The following CSMD1 variants were observed in gnomAD, a reference collection of about 807,000 sequenced individuals.
CSMD1 encodes the protein CUB and sushi domain-containing protein 1.
Under a neutral mutation model 417.5 loss-of-function variants are expected in CSMD1, and 213 were observed. The ratio of observed to expected loss-of-function variants is 0.51; its 90% CI spans 0.46 to 0.57. The LOEUF is 0.57. CSMD1 is among the 20% of genes least tolerant of loss of function. The pLI is 0.00. For synonymous variants in CSMD1, 2,862 were observed against 1,736.8 expected, an observed-to-expected ratio of 1.65 and a Z score of -16.11; for missense variants, 6,923 against 4,529.7, an observed-to-expected ratio of 1.53 and a Z score of -15.17.
At chr8:4,450,983 C>T (rs1044356077) in intron 2 of CSMD1, among the ~76,000 whole-genome samples, 2 of 151,440 alleles carry the variant, frequency 1.3e-5, no homozygotes, top group South Asian at 4.2e-4. Context: ...TATTTGGGTA[C>T]TGAATTGACA....
At chr8:4,309,806 C>T (rs186080965) in intron 3 of CSMD1, among the ~76,000 whole-genome samples, 4 of 152,212 alleles carry the variant, frequency 2.6e-5, no homozygotes, top group East Asian at 3.9e-4. Flanking sequence ...CCATATAGGT[C>T]CCTTCGCCCT....
intron 1 of CSMD1, among the ~76,000 whole-genome samples, chr8:4,886,291 T>C (rs1295504757): frequency 6.6e-6 from 1 of 152,070 alleles, no homozygotes; most frequent in Non-Finnish European, 1.5e-5. Context: ...TTCAACTTTG[T>C]CACTTTGCAT....
intron 1 of CSMD1, among the ~76,000 whole-genome samples, chr8:4,951,694 G>A (rs1442137367): frequency 2.4e-4 from 37 of 151,476 alleles, no homozygotes; most frequent in Admixed American, 2.4e-3. Context: ...GGAATCCTTG[G>A]CTGTGGTTCT....
intron 36 of CSMD1, among the ~76,000 whole-genome samples, chr8:3,187,408 G>T (rs10216959): frequency 1.3e-5 from 2 of 151,966 alleles, no homozygotes; most frequent in Admixed American, 6.6e-5. Context: ...GACTAAGAGA[G>T]GGTGGACTTG....
intron 3 of CSMD1, among the ~76,000 whole-genome samples, chr8:4,224,212 A>C (rs952010532): frequency 8.8e-6 from 1 of 113,944 alleles, no homozygotes; most frequent in African/African-American, 3.5e-5. Flanking sequence ...TTGTGATCCA[A>C]GTCCTAAAAA....
At chr8:4,808,344 C>A (rs576578073) in intron 1 of CSMD1, among the ~76,000 whole-genome samples, 11 of 152,104 alleles carry the variant, frequency 7.2e-5, no homozygotes, top group African/African-American at 2.7e-4. Flanking sequence ...CCCCTTCCTG[C>A]GACAATCATT....
chr8:4,917,223 C>T (rs943854576), intron 1 of CSMD1, among the ~76,000 whole-genome samples: 3 of 152,170 alleles, frequency 2.0e-5, no homozygotes, highest in Admixed American at 2.0e-4. Flanking sequence ...AGCAGATCTC[C>T]TGTGAACTCT....
intron 50 of CSMD1, among the ~76,000 whole-genome samples, chr8:3,036,511 T>G (rs7017367): frequency 0.026 from 3,886 of 152,188 alleles, 164 homozygotes; most frequent in African/African-American, 0.088. Flanking sequence ...GTCATTGGAG[T>G]AAACTGATTT....
At chr8:4,050,962 G>T (rs952961974) in intron 3 of CSMD1, among the ~76,000 whole-genome samples, 1 of 152,100 alleles carries the variant, frequency 6.6e-6, no homozygotes. Flanking sequence ...CTTGGTTGGA[G>T]AAAGGCTGCA....
intron 5 of CSMD1, among the ~76,000 whole-genome samples, chr8:3,776,169 C>T (rs906304334): frequency 3.3e-5 from 5 of 152,198 alleles, no homozygotes; most frequent in Non-Finnish European, 7.3e-5. Flanking sequence ...CGGATCCTAC[C>T]TTCAGAACAG....
At position 4,408,763 on chromosome 8, in the gene CSMD1, G is replaced by A. The variant is rs937605401; in HGVS notation, c.415+11190C>T. 9.2e-5 allele frequency among the ~76,000 whole-genome samples: 14 copies of A among 152,200 alleles called. No homozygotes were observed. In the South Asian group the frequency reaches 2.7e-3, roughly 29 times the overall value. ...ACAGAGTATCTATTGTGCAGGTGAGGCCATCAGCTGCCATTTTTCTGGCTC... is the reference window on the plus strand; with the variant it reads ...ACAGAGTATCTATTGTGCAGGTGAGACCATCAGCTGCCATTTTTCTGGCTC... On this transcript the variant is annotated intron_variant, in intron 3 of 69. Transcript: ENST00000635120.
chr8:4,440,300 A>G (rs747720192), intron 2 of CSMD1, among the ~76,000 whole-genome samples: 24 of 152,218 alleles, frequency 1.6e-4, no homozygotes, highest in African/African-American at 2.4e-4. Context: ...AACCAGAAAA[A>G]TGGAATCAGC....
intron 14 of CSMD1, 125 bp from the exon 15 acceptor site, chr8:3,406,346 C>T: frequency 1.4e-6 from 1 of 702,654 alleles, no homozygotes; most frequent in Non-Finnish European, 2.1e-6. Context: ...ATATAAATTT[C>T]AGTTGTATCA....
At chr8:3,593,703 T>G (rs148295705) in intron 8 of CSMD1, among the ~76,000 whole-genome samples, 47 of 152,320 alleles carry the variant, frequency 3.1e-4, no homozygotes, top group Non-Finnish European at 6.3e-4. Flanking sequence ...AAACTACATT[T>G]TATACATCAG....
intron 1 of CSMD1, among the ~76,000 whole-genome samples, chr8:4,923,175 G>C (rs1015217376): frequency 6.6e-6 from 1 of 152,132 alleles, no homozygotes; most frequent in Non-Finnish European, 1.5e-5. Flanking sequence ...TTCAGTTTTA[G>C]ATGACCACTG....
chr8:4,617,842 A>G (rs1801562745), intron 2 of CSMD1, among the ~76,000 whole-genome samples: 1 of 152,196 alleles, frequency 6.6e-6, no homozygotes, highest in South Asian at 2.1e-4. Flanking sequence ...TCATTGGAAG[A>G]GACCAAGAAC....
Position 3,944,184 on chromosome 8 carries a change from G to C in CSMD1, c.818+53719C>G, listed in dbSNP as rs2627521. Among the ~76,000 whole-genome samples, 1,320 of 152,204 alleles carry C rather than the reference G, an allele frequency of 8.7e-3. 51 individuals are homozygous for C. The East Asian group carries it at 0.11, about 13-fold the overall frequency. ...TACTGTTTATGCAACACTTTTGTAA[G>C]TCTGAAATGGTTTGAAAATAAAAAG... On this transcript the variant is annotated intron_variant, in intron 5 of 69. Transcript: ENST00000635120.
chr8:4,810,110 C>A (rs1798811165), intron 1 of CSMD1, among the ~76,000 whole-genome samples: 1 of 152,156 alleles, frequency 6.6e-6, no homozygotes, highest in African/African-American at 2.4e-5. Flanking sequence ...TTTAGAAACA[C>A]AAAACCTTAG....
chr8:2,955,043 T>A (rs1802903700), intron 64 of CSMD1, among the ~76,000 whole-genome samples: 1 of 152,198 alleles, frequency 6.6e-6, no homozygotes, highest in South Asian at 2.1e-4. Flanking sequence ...TGACTCTCAC[T>A]TGTAAACACA....
Sources: allele counts gnomAD v4.1 joint callset (sites outside exome capture counted in the v4.1 genomes callset), GRCh38; gene constraint gnomAD v4.1.1; transcripts MANE v1.5; gene names NCBI Gene and HGNC (gene_info 2026-07-23, HGNC 2026-07-21).